SOX6: variants seen among roughly 807,000 people sequenced by gnomAD.
SOX6 encodes the protein transcription factor SOX-6.
SOX6 carries 11 observed loss-of-function variants against 97.8 expected under a neutral mutation model. That is an observed-to-expected ratio of 0.11 (90% confidence interval 0.07 to 0.19). The LOEUF (loss-of-function observed/expected upper bound fraction) is 0.19. SOX6 is among the 10% of genes least tolerant of loss of function. The pLI, the probability that SOX6 is intolerant of heterozygous loss-of-function variation, is 1.00. For synonymous variants in SOX6, 360 were observed against 371.4 expected (o/e 0.97, Z 0.35); for missense variants, 810 against 1,039.5 (o/e 0.78, Z 3.04).
intron 2 of SOX6, among the ~76,000 whole-genome samples, chr11:16,326,703 A>G (rs1170273444): frequency 6.6e-6 from 1 of 152,174 alleles, no homozygotes; most frequent in African/African-American, 2.4e-5. Flanking sequence ...GTATTGTTGT[A>G]TAAGAAATCA....
intron 9 of SOX6, among the ~76,000 whole-genome samples, chr11:16,064,776 T>A (rs1312167481): frequency 6.6e-6 from 1 of 151,970 alleles, no homozygotes; most frequent in Admixed American, 6.6e-5. Flanking sequence ...ATATGATCAT[T>A]TCAACTGATG....
chr11:16,602,450 CT>C lies in SOX6; in HGVS notation n.609+9630del, dbSNP rs972674503. ...GAAACATTTGTTTTTTGGTTGTTTGCTTTTTTTTTAAGAGGGACAATTTCTC... is the reference window on the plus strand; with the variant it reads ...GAAACATTTGTTTTTTGGTTGTTTGCTTTTTTTTAAGAGGGACAATTTCTC... On this transcript the variant is annotated intron_variant and non_coding_transcript_variant, in intron 4 of 5. Transcript: ENST00000524520. Among the ~76,000 whole-genome samples, 8 of 150,450 alleles carry C rather than the reference CT, an allele frequency of 5.3e-5. No homozygotes were observed. In the East Asian group the frequency reaches 9.8e-4, roughly 18 times the overall value.
chr11:16,706,556 G>A (rs1299025428), intron 3 of SOX6, among the ~76,000 whole-genome samples: 1 of 117,576 alleles, frequency 8.5e-6, no homozygotes, highest in Non-Finnish European at 1.6e-5. Context: ...TAATGGTCAT[G>A]TTTAGCAAAG....
At chr11:16,415,984 G>A (rs1298291758) in intron 1 of SOX6, among the ~76,000 whole-genome samples, 1 of 152,044 alleles carries the variant, frequency 6.6e-6, no homozygotes, top group Non-Finnish European at 1.5e-5. Context: ...ACTTCACAAG[G>A]GATTGGTCCC....
chr11:16,128,091 A>G (rs1849650496), intron 6 of SOX6, among the ~76,000 whole-genome samples: 1 of 152,224 alleles, frequency 6.6e-6, no homozygotes. Flanking sequence ...CAAATAACAA[A>G]GAAAACTACA....
At chr11:16,349,721 A>AAGG in intron 1 of SOX6, among the ~76,000 whole-genome samples, 1 of 99,544 alleles carries the variant, frequency 1.0e-5, no homozygotes, top group African/African-American at 3.2e-5. Context: ...AGGAAGAAGG[A>AAGG]AGGAAGGAAG....
At chr11:16,142,672 T>C (rs1589968894) in intron 6 of SOX6, among the ~76,000 whole-genome samples, 1 of 152,100 alleles carries the variant, frequency 6.6e-6, no homozygotes, top group South Asian at 2.1e-4. Flanking sequence ...CTGAGGGAGC[T>C]GAAACCATGG....
chr11:16,017,226 T>C (rs1448580870), intron 12 of SOX6, among the ~76,000 whole-genome samples: 1 of 151,972 alleles, frequency 6.6e-6, no homozygotes, highest in Non-Finnish European at 1.5e-5. Flanking sequence ...CAACAACACA[T>C]TCACAGTGTC....
At chr11:16,017,202 A>G (rs1348244013) in intron 12 of SOX6, among the ~76,000 whole-genome samples, 2 of 152,060 alleles carry the variant, frequency 1.3e-5, no homozygotes, top group Non-Finnish European at 2.9e-5. Context: ...ATAACAAAAA[A>G]CATTCAGAAC....
At chr11:16,178,202 G>A (rs949991860) in intron 6 of SOX6, among the ~76,000 whole-genome samples, 1 of 151,956 alleles carries the variant, frequency 6.6e-6, no homozygotes, top group African/African-American at 2.4e-5. Flanking sequence ...CATGACTAAT[G>A]TGGAAAAACT....
intron 4 of SOX6, among the ~76,000 whole-genome samples, chr11:16,232,795 T>C (rs551491126): frequency 7.9e-5 from 12 of 152,132 alleles, no homozygotes; most frequent in Non-Finnish European, 1.5e-4. Flanking sequence ...AAACACAGAA[T>C]GACGTGCAAA....
chr11:16,132,445 AAAG>A (rs1849828812), intron 6 of SOX6, among the ~76,000 whole-genome samples: 1 of 11,886 alleles, frequency 8.4e-5, no homozygotes. Context: ...AAGAAAGAAA[AAAG>A]AAAGAAAGAA....
intron 3 of SOX6, among the ~76,000 whole-genome samples, chr11:16,288,709 T>C (rs1470285753): frequency 6.6e-6 from 1 of 151,966 alleles, no homozygotes; most frequent in East Asian, 1.9e-4. Flanking sequence ...AACAGTTCAG[T>C]TACCAAAAAG....
At chr11:16,105,263 CA>C (rs1849050877) in intron 7 of SOX6, among the ~76,000 whole-genome samples, 1 of 150,910 alleles carries the variant, frequency 6.6e-6, no homozygotes, top group South Asian at 2.1e-4. Flanking sequence ...ATTAATAGAA[CA>C]AAGGGAAAAA....
intron 6 of SOX6, among the ~76,000 whole-genome samples, chr11:16,155,931 C>A (rs1397123735): frequency 2.0e-5 from 3 of 151,976 alleles, no homozygotes; most frequent in Non-Finnish European, 4.4e-5. Flanking sequence ...TATCCAAATC[C>A]CATCCAGTCT....
intron 1 of SOX6, among the ~76,000 whole-genome samples, chr11:16,400,903 A>C (rs1016329441): frequency 1.3e-5 from 2 of 151,496 alleles, no homozygotes; most frequent in African/African-American, 2.4e-5. Context: ...CATAGTCCCA[A>C]ATTTCTAAAT....
At chr11:16,349,835 A>G (rs952983245) in intron 1 of SOX6, among the ~76,000 whole-genome samples, 5 of 152,054 alleles carry the variant, frequency 3.3e-5, no homozygotes, top group African/African-American at 9.7e-5. Flanking sequence ...TTCCATTTTT[A>G]CCATATGCCT....
At chr11:16,501,927 A>G (rs1306809056) in intron 4 of SOX6, among the ~76,000 whole-genome samples, 1 of 152,232 alleles carries the variant, frequency 6.6e-6, no homozygotes, top group Non-Finnish European at 1.5e-5. Context: ...ATCTAGAACT[A>G]GAAATACCAT....
chr11:16,312,865 G>A (rs887120747), intron 3 of SOX6: 5 of 152,112 alleles, frequency 3.3e-5, no homozygotes, highest in African/African-American at 7.2e-5. Context: ...TTTAGCCTTG[G>A]AAGCATCTTA....
Sources: gnomAD v4.1 joint callset for allele counts (sites outside exome capture counted in the v4.1 genomes callset) on GRCh38, gnomAD v4.1.1 for gene constraint, MANE v1.5 for transcripts, NCBI Gene and HGNC (gene_info 2026-07-23, HGNC 2026-07-21) for gene names.